The following UCK2 variants were observed in gnomAD, a reference collection of about 807,000 sequenced individuals.
UCK2 encodes the protein uridine-cytidine kinase 2, also known as cytidine monophosphokinase 2.
UCK2 carries 6 observed loss-of-function variants against 30.8 expected under a neutral mutation model. The observed-to-expected ratio is 0.19, with a 90% CI of 0.11 to 0.38. The LOEUF (loss-of-function observed/expected upper bound fraction) is 0.38. UCK2 is among the 10% of genes least tolerant of loss of function. UCK2 has a pLI of 1.00. For synonymous variants in UCK2, 125 were observed against 133.6 expected, an observed-to-expected ratio of 0.94 and a Z score of 0.45; for missense variants, 210 against 339.8, an observed-to-expected ratio of 0.62 and a Z score of 3.00.
intron 1 of UCK2, among the ~76,000 whole-genome samples, chr1:165,837,542 T>C (rs1169957069): frequency 1.3e-5 from 2 of 152,180 alleles, no homozygotes; most frequent in Non-Finnish European, 2.9e-5. Flanking sequence ...TGTTGCTCTT[T>C]TGCTCTTTTT....
At chr1:165,862,700 C>G (rs1654949795) in intron 1 of UCK2, among the ~76,000 whole-genome samples, 1 of 152,188 alleles carries the variant, frequency 6.6e-6, no homozygotes, top group African/African-American at 2.4e-5. Context: ...GTTCTAGTTT[C>G]AGCCCACAGG....
chr1:165,829,974 C>T (rs143371480), intron 1 of UCK2, among the ~76,000 whole-genome samples: 10 of 152,236 alleles, frequency 6.6e-5, no homozygotes, highest in Admixed American at 1.3e-4. Context: ...TACAGGCTGG[C>T]ACTATCATGA....
intron 1 of UCK2, among the ~76,000 whole-genome samples, chr1:165,850,591 G>A (rs1033169672): frequency 1.2e-4 from 18 of 149,206 alleles, no homozygotes; most frequent in South Asian, 2.1e-4. Flanking sequence ...AGGTGCACAT[G>A]CCACAACATG....
chr1:165,872,177 C>T (rs563302678), intron 1 of UCK2, among the ~76,000 whole-genome samples: 17 of 152,266 alleles, frequency 1.1e-4, no homozygotes, highest in African/African-American at 3.1e-4. Context: ...CAGGTTCAAG[C>T]GATTCTCCTG....
chr1:165,864,128 A>G (rs538959270), intron 1 of UCK2, among the ~76,000 whole-genome samples: 3 of 152,202 alleles, frequency 2.0e-5, no homozygotes, highest in African/African-American at 4.8e-5. Flanking sequence ...TTGTATTTTT[A>G]GTAGAGACAG....
At chr1:165,830,824 G>A (rs1437436926) in intron 1 of UCK2, among the ~76,000 whole-genome samples, 4 of 151,950 alleles carry the variant, frequency 2.6e-5, no homozygotes, top group African/African-American at 9.7e-5. Context: ...GCTTGAGCCC[G>A]GGAGTTTGAG....
At chr1:165,843,314 T>C (rs183663198) in intron 1 of UCK2, among the ~76,000 whole-genome samples, 102 of 152,330 alleles carry the variant, frequency 6.7e-4, no homozygotes, top group African/African-American at 2.4e-3. Context: ...GAATTTAAGA[T>C]TTGAAAACTG....
At chr1:165,884,367 C>A (rs537992622) in intron 1 of UCK2, among the ~76,000 whole-genome samples, 1 of 152,202 alleles carries the variant, frequency 6.6e-6, no homozygotes, top group Non-Finnish European at 1.5e-5. Context: ...GCAGCTCATT[C>A]GGAGTGTTAC....
intron 1 of UCK2, among the ~76,000 whole-genome samples, chr1:165,841,347 C>T (rs1161924141): frequency 6.6e-6 from 1 of 151,988 alleles, no homozygotes; most frequent in East Asian, 1.9e-4. Flanking sequence ...CCACACCCAG[C>T]TAATTTTTGT....
intron 1 of UCK2, among the ~76,000 whole-genome samples, chr1:165,888,553 T>G (rs1655680177): frequency 6.6e-6 from 1 of 152,076 alleles, no homozygotes; most frequent in South Asian, 2.1e-4. Context: ...CCTCTTAAAC[T>G]GTGGGATTAT....
chr1:165,868,421 A>G (rs1262515261), intron 1 of UCK2, among the ~76,000 whole-genome samples: 1 of 152,266 alleles, frequency 6.6e-6, no homozygotes, highest in Non-Finnish European at 1.5e-5. Context: ...ATACTATTTT[A>G]ATAGAAGGCT....
intron 3 of UCK2, chr1:165,894,316 ACT>A (rs1655839400): frequency 6.6e-6 from 1 of 151,488 alleles, no homozygotes; most frequent in Non-Finnish European, 1.5e-5. Flanking sequence ...GCCTTCCCAC[ACT>A]CTCCTTGGTG....
At chr1:165,891,024 C>G (rs1471870539) in intron 2 of UCK2, 1 of 530,470 alleles carries the variant, frequency 1.9e-6, no homozygotes, top group African/African-American at 1.9e-5. Context: ...ATCTATTTGT[C>G]AGAACTCATT....
intron 4 of UCK2, among the ~76,000 whole-genome samples, chr1:165,896,790 C>G (rs1004370638): frequency 5.3e-5 from 8 of 152,186 alleles, no homozygotes; most frequent in African/African-American, 1.7e-4. Context: ...TATTTTCCAG[C>G]AGGCTTTATG....
intron 1 of UCK2, among the ~76,000 whole-genome samples, chr1:165,832,411 G>T: frequency 6.6e-6 from 1 of 152,180 alleles, no homozygotes; most frequent in South Asian, 2.1e-4. Flanking sequence ...ATGAAAGAAG[G>T]TCTCTGTCCT....
At chr1:165,861,481 A>G (rs992936663) in intron 1 of UCK2, among the ~76,000 whole-genome samples, 1 of 150,730 alleles carries the variant, frequency 6.6e-6, no homozygotes, top group Non-Finnish European at 1.5e-5. Flanking sequence ...ACAAAAAATT[A>G]GCCGGGCGTA....
At chr1:165,845,286 T>C (rs911617743) in intron 1 of UCK2, among the ~76,000 whole-genome samples, 4 of 152,218 alleles carry the variant, frequency 2.6e-5, no homozygotes, top group African/African-American at 9.6e-5. Flanking sequence ...CTGTGCACGG[T>C]AGAGGGTAGG....
At chr1:165,872,557 C>G (rs961247080) in intron 1 of UCK2, among the ~76,000 whole-genome samples, 6 of 152,172 alleles carry the variant, frequency 3.9e-5, no homozygotes, top group Non-Finnish European at 7.3e-5. Context: ...TTTGCCCTAG[C>G]AAATCCACTA....
chr1:165,841,995 G>C (rs1654342486), intron 1 of UCK2, among the ~76,000 whole-genome samples: 1 of 152,204 alleles, frequency 6.6e-6, no homozygotes, highest in African/African-American at 2.4e-5. Flanking sequence ...GTCAGAAAGT[G>C]TTAATGACTA....
Sources: gnomAD v4.1 joint callset for allele counts (sites outside exome capture counted in the v4.1 genomes callset) on GRCh38, gnomAD v4.1.1 for gene constraint, MANE v1.5 for transcripts, NCBI Gene and HGNC (gene_info 2026-07-23, HGNC 2026-07-21) for gene names.